RGS12: variants seen among roughly 807,000 people sequenced by gnomAD.
The protein encoded by RGS12 is regulator of G protein signaling 12.
Under a neutral mutation model 120.1 loss-of-function variants are expected in RGS12, and 66 were observed. The observed-to-expected ratio is 0.55, with a 90% confidence interval of 0.45 to 0.67. The LOEUF (loss-of-function observed/expected upper bound fraction) is 0.67, where lower values mean the gene tolerates loss of function less well. Among genes scored for constraint, RGS12 ranks in the 30% least tolerant of loss-of-function variants. The pLI is 0.00. For missense variants in RGS12, 1,859 were observed against 1,957.7 expected (o/e 0.95, Z 0.95); for synonymous variants, 827 against 804.7 (o/e 1.03, Z -0.47).
In RGS12 at chr4:3,417,383, G is replaced by T. The variant is rs779859822; in HGVS notation, c.2608-5G>T. The T allele has an allele frequency of 5.8e-6, 9 of 1,562,928 alleles. No individual in the cohort carries two copies. The highest frequency in any genetic ancestry group is 1.7e-4 in the Middle Eastern group (1 of 5,756). On this transcript the variant is annotated splice_polypyrimidine_tract_variant and splice_region_variant and intron_variant, in intron 8 of 17. Coordinates refer to ENST00000336727, the MANE Select transcript of RGS12 (RefSeq NM_001394154.1). ...GTTTTAACCAAGGTTTCCATTTGAT[G>T]ACAGTTAAGTGGAAAATCAAAATCC... is the stretch of plus-strand genomic sequence containing the variant.
intron 13 of RGS12, among the ~76,000 whole-genome samples, chr4:3,424,875 T>A (rs964512764): frequency 2.0e-5 from 3 of 152,234 alleles, no homozygotes; most frequent in African/African-American, 7.2e-5. Context: ...ACCAGCCCCT[T>A]CAGGAGCTTA....
At chr4:3,382,977 T>A (rs1023452113) in intron 3 of RGS12, among the ~76,000 whole-genome samples, 1 of 152,132 alleles carries the variant, frequency 6.6e-6, no homozygotes, top group Non-Finnish European at 1.5e-5. Flanking sequence ...ATGCTGGGCT[T>A]CTCCTTGGGT....
At chr4:3,405,873 A>G (rs1721063643) in intron 4 of RGS12, among the ~76,000 whole-genome samples, 1 of 152,020 alleles carries the variant, frequency 6.6e-6, no homozygotes, top group Non-Finnish European at 1.5e-5. Flanking sequence ...TATTATTCTT[A>G]TAATTTTTCT....
At chr4:3,410,484 G>T (rs560456092) in intron 4 of RGS12, among the ~76,000 whole-genome samples, 1 of 152,236 alleles carries the variant, frequency 6.6e-6, no homozygotes, top group Non-Finnish European at 1.5e-5. Context: ...GTGCCTTTGG[G>T]GGGGCTGTCC....
At chr4:3,324,983 T>G (rs1725465783) in intron 2 of RGS12, among the ~76,000 whole-genome samples, 1 of 152,216 alleles carries the variant, frequency 6.6e-6, no homozygotes, top group South Asian at 2.1e-4. Context: ...GGCCTTTTTC[T>G]TATTGATTAG....
intron 17 of RGS12, 31 bp downstream of exon 17, chr4:3,430,986 G>GTGGT (rs1560180376): frequency 6.2e-7 from 1 of 1,605,958 alleles, no homozygotes; most frequent in South Asian, 1.1e-5. Flanking sequence ...CTCCACCTTG[G>GTGGT]CCCCGTAAGC....
intron 4 of RGS12, among the ~76,000 whole-genome samples, chr4:3,402,955 A>G (rs895925102): frequency 1.3e-5 from 2 of 152,198 alleles, no homozygotes; most frequent in African/African-American, 4.8e-5. Context: ...ATGTGACCTC[A>G]CCAACTACTT....
chr4:3,335,524 G>A (rs555106782), intron 2 of RGS12, among the ~76,000 whole-genome samples: 144 of 152,242 alleles, frequency 9.5e-4, no homozygotes, highest in Middle Eastern at 6.8e-3. Context: ...TCTGTCCCCA[G>A]GGGCGCTCCC....
intron 4 of RGS12, among the ~76,000 whole-genome samples, chr4:3,403,685 C>T (rs950059729): frequency 6.6e-6 from 1 of 152,240 alleles, no homozygotes; most frequent in Non-Finnish European, 1.5e-5. Context: ...GCCTCCGCAG[C>T]CTGTGCTGCT....
intron 1 of RGS12, among the ~76,000 whole-genome samples, chr4:3,308,184 G>C (rs752527176): frequency 6.6e-6 from 1 of 152,254 alleles, no homozygotes; most frequent in African/African-American, 2.4e-5. Flanking sequence ...GCAGGTCTGC[G>C]TCTGCTGTGT....
chr4:3,342,445 C>T, intron 2 of RGS12: 1 of 1,282,932 alleles, frequency 7.8e-7, no homozygotes, highest in Non-Finnish European at 1.0e-6. Context: ...TTGGTTGGGT[C>T]TTCAGACACC....
intron 4 of RGS12, among the ~76,000 whole-genome samples, chr4:3,401,743 C>T (rs563917658): frequency 1.3e-5 from 2 of 152,376 alleles, no homozygotes; most frequent in South Asian, 4.1e-4. Context: ...TACAGCTTGC[C>T]ATAGAGCAGA....
At position 3,433,241 on chromosome 4, in the gene RGS12, G is replaced by A. The variant is rs554774718; in HGVS notation, c.4114+2286G>A. ...CTGTGGGATGCTTCCTCACAATGTG[G>A]CAGCCGCCCTGGACCCAGCGTCCGG... is the stretch of plus-strand genomic sequence containing the variant. On this transcript the variant is annotated intron_variant, in intron 17 of 17. Transcript: ENST00000336727. This position sits in a 1 kb window ranked among gnomAD's most constrained non-coding sequence, Gnocchi z 4.4. Among the ~76,000 whole-genome samples, 1 of 152,342 alleles carries A rather than the reference G, an allele frequency of 6.6e-6. No individual in the cohort carries two copies. The highest frequency in any genetic ancestry group is 1.9e-4 in the East Asian group (1 of 5,184).
At chr4:3,427,115 C>T (rs977737481) in intron 14 of RGS12, among the ~76,000 whole-genome samples, 2 of 152,210 alleles carry the variant, frequency 1.3e-5, no homozygotes, top group Non-Finnish European at 2.9e-5. Flanking sequence ...CTTCCCCGAG[C>T]CCACCCTTTG....
chr4:3,405,667 G>A (rs1412085673), intron 4 of RGS12, among the ~76,000 whole-genome samples: 1 of 152,208 alleles, frequency 6.6e-6, no homozygotes, highest in African/African-American at 2.4e-5. Context: ...AATCTACACT[G>A]ACGTGTTTAG....
chr4:3,302,485 A>G (rs1353089659), intron 1 of RGS12, among the ~76,000 whole-genome samples: 1 of 152,170 alleles, frequency 6.6e-6, no homozygotes. Flanking sequence ...GTGGCCTTCA[A>G]AACCACAGAG....
chr4:3,415,793 C>T (rs1175322143), intron 6 of RGS12, among the ~76,000 whole-genome samples, 185 bp from the exon 7 acceptor site: 14 of 152,202 alleles, frequency 9.2e-5, no homozygotes, highest in Admixed American at 8.5e-4. Context: ...TTTAAACAAT[C>T]GTAGAGGAGC....
intron 2 of RGS12, among the ~76,000 whole-genome samples, chr4:3,335,742 G>A (rs111428464): frequency 0.038 from 5,797 of 152,100 alleles, 289 homozygotes; most frequent in African/African-American, 0.12. Flanking sequence ...AACTATGATC[G>A]TACCCCTGCG....
chr4:3,369,923 C>A, intron 3 of RGS12: 1 of 753,814 alleles, frequency 1.3e-6, no homozygotes, highest in Non-Finnish European at 1.7e-6. Flanking sequence ...TGAACTGCAC[C>A]ACGATGCTAA....
Sources: gnomAD v4.1 joint callset for allele counts (sites outside exome capture counted in the v4.1 genomes callset) on GRCh38, gnomAD v4.1.1 for gene constraint, Gnocchi (gnomAD v3.1) non-coding constraint, MANE v1.5 for transcripts, NCBI Gene and HGNC (gene_info 2026-07-23, HGNC 2026-07-21) for gene names.